The following SH2D4B variants were observed in gnomAD, a reference collection of about 807,000 sequenced individuals.
SH2D4B encodes SH2 domain containing 4B, also known as SH2 domain-containing protein 4B.
In SH2D4B, 45 loss-of-function variants were observed where a neutral mutation model predicts 61.5. That is an observed-to-expected ratio of 0.73 (90% CI 0.58 to 0.94). The LOEUF (loss-of-function observed/expected upper bound fraction) is 0.94, where lower values mean the gene tolerates loss of function less well. Among genes scored for constraint, SH2D4B ranks in the 40% least tolerant of loss-of-function variants. The pLI is 0.00. For synonymous variants in SH2D4B, 224 were observed against 220.4 expected (o/e 1.02, Z -0.14); for missense variants, 572 against 574.2 (o/e 1.00, Z 0.04).
chr10:80,565,316 G>GCC (rs1297111200), intron 1 of SH2D4B, among the ~76,000 whole-genome samples: 2 of 114,804 alleles, frequency 1.7e-5, no homozygotes, highest in African/African-American at 6.6e-5. Flanking sequence ...CCCACCCCCA[G>GCC]CCCCACTACC....
Position 80,578,175 on chromosome 10 carries a change from T to A in SH2D4B, c.495+6597T>A, listed in dbSNP as rs150235953. On this transcript the variant is annotated intron_variant, in intron 3 of 7. Transcript: ENST00000646907. ...TTGTAGCGATGGGGTTTTGCCATGT[T>A]GCCCAGGCTCATCTGGAATTTCTGA... Among the ~76,000 whole-genome samples the A allele has an allele frequency of 2.6e-3, 391 of 152,272 alleles. 2 individuals are homozygous for A. Among genetic ancestry groups the A allele is most frequent in the African/African-American group, 8.9e-3 (371 of 41,548 alleles).
At chr10:80,575,420 T>A (rs1014276060) in intron 3 of SH2D4B, among the ~76,000 whole-genome samples, 5 of 152,042 alleles carry the variant, frequency 3.3e-5, no homozygotes, top group African/African-American at 1.2e-4. Context: ...ACACAACTAC[T>A]CAACTCTGCT....
intron 1 of SH2D4B, among the ~76,000 whole-genome samples, chr10:80,544,181 A>G (rs1016468792): frequency 6.6e-6 from 1 of 151,914 alleles, no homozygotes; most frequent in African/African-American, 2.4e-5. Context: ...CTGCAGCTTC[A>G]CTCCTGAAGC....
chr10:80,614,355 G>A (rs1372281527), intron 6 of SH2D4B, among the ~76,000 whole-genome samples: 4 of 152,136 alleles, frequency 2.6e-5, no homozygotes, highest in Middle Eastern at 3.2e-3. Flanking sequence ...AGTGGCAGGT[G>A]CCACACACTT....
At chr10:80,629,425 C>A (rs7074908) in intron 6 of SH2D4B, among the ~76,000 whole-genome samples, 3 of 152,100 alleles carry the variant, frequency 2.0e-5, no homozygotes, top group African/African-American at 7.3e-5. Flanking sequence ...AGAGGGGACA[C>A]ACATCCAAAC....
chr10:80,553,708 G>A (rs1398725181), intron 1 of SH2D4B, among the ~76,000 whole-genome samples: 1 of 152,178 alleles, frequency 6.6e-6, no homozygotes, highest in Non-Finnish European at 1.5e-5. Flanking sequence ...GGCTTAGCGT[G>A]ACCAGCCCCA....
intron 4 of SH2D4B, 72 bp downstream of exon 4, chr10:80,588,849 T>C: frequency 6.4e-7 from 1 of 1,564,868 alleles, no homozygotes; most frequent in Non-Finnish European, 8.7e-7. Context: ...AATGCTGATG[T>C]ACTCATTCGT....
intron 1 of SH2D4B, among the ~76,000 whole-genome samples, chr10:80,551,024 A>T (rs1841753611): frequency 6.6e-6 from 1 of 152,228 alleles, no homozygotes; most frequent in African/African-American, 2.4e-5. Context: ...AGGAAAAGAA[A>T]AAGAAAAAGA....
intron 4 of SH2D4B, among the ~76,000 whole-genome samples, chr10:80,600,441 G>A (rs1842438143): frequency 6.6e-6 from 1 of 152,122 alleles, no homozygotes; most frequent in Non-Finnish European, 1.5e-5. Context: ...GACCCGGTTG[G>A]TCTGAGTTGG....
rs548546108 is a variant in SH2D4B, at chr10:80,646,535, G to T, written c.*2450G>T. Reference sequence around the variant, plus strand: ...AATTTCATCTTGAGAGTTTTATTATGCTAATAAATGTCAGGATTCTCATAT... The same window carrying T: ...AATTTCATCTTGAGAGTTTTATTATTCTAATAAATGTCAGGATTCTCATAT... On this transcript the variant is annotated 3_prime_UTR_variant, in exon 8 of 8. Transcript: ENST00000646907. 5.3e-5 allele frequency: 8 copies of T among 152,158 alleles called. No homozygotes were observed. In the East Asian group the frequency reaches 1.4e-3, roughly 26 times the overall value. The allele number at this position is 152,158 out of a possible 1,614,324, so 9.4% of individuals were successfully genotyped here.
intron 5 of SH2D4B, among the ~76,000 whole-genome samples, chr10:80,605,191 T>C (rs1842503985): frequency 6.6e-6 from 1 of 152,072 alleles, no homozygotes; most frequent in South Asian, 2.1e-4. Flanking sequence ...AAAGTTTGCA[T>C]TTTATGCATG....
At chr10:80,543,313 C>T (rs1056437010) in intron 1 of SH2D4B, among the ~76,000 whole-genome samples, 6 of 152,092 alleles carry the variant, frequency 3.9e-5, no homozygotes, top group African/African-American at 1.2e-4. Context: ...TTCCGGGGGG[C>T]GTGGGCTGGG....
intron 3 of SH2D4B, among the ~76,000 whole-genome samples, chr10:80,573,386 A>G (rs1842086930): frequency 1.5e-5 from 2 of 130,296 alleles, no homozygotes; most frequent in Non-Finnish European, 3.0e-5. Context: ...TAAATCTATC[A>G]GTCTATTTAT....
chr10:80,628,752 G>A (rs923191646), intron 6 of SH2D4B, among the ~76,000 whole-genome samples: 1 of 152,188 alleles, frequency 6.6e-6, no homozygotes, highest in Non-Finnish European at 1.5e-5. Flanking sequence ...ACCTGGCCAG[G>A]CGTGGTGGCT....
intron 1 of SH2D4B, among the ~76,000 whole-genome samples, chr10:80,544,564 C>T (rs1347255936): frequency 6.6e-6 from 1 of 152,248 alleles, no homozygotes; most frequent in African/African-American, 2.4e-5. Flanking sequence ...GGCAACCTTG[C>T]CTGCTGGGCT....
intron 3 of SH2D4B, among the ~76,000 whole-genome samples, chr10:80,575,812 A>C (rs917466552): frequency 2.0e-5 from 3 of 152,146 alleles, no homozygotes; most frequent in Admixed American, 6.6e-5. Flanking sequence ...TCTCCTATGA[A>C]GAAGGGCATT....
At chr10:80,540,936 G>A in intron 1 of SH2D4B, 3 of 1,534,036 alleles carry the variant, frequency 2.0e-6, no homozygotes, top group African/African-American at 1.4e-5. Flanking sequence ...AGATGCTGGT[G>A]AGACCCCAGC....
chr10:80,550,541 C>A (rs1441153248), intron 1 of SH2D4B, among the ~76,000 whole-genome samples: 1 of 152,034 alleles, frequency 6.6e-6, no homozygotes, highest in Non-Finnish European at 1.5e-5. Context: ...TTGCAGTGAG[C>A]CCATATCGCG....
At chr10:80,570,429 G>C in intron 2 of SH2D4B, 113 bp downstream of exon 2, 2 of 1,339,626 alleles carry the variant, frequency 1.5e-6, no homozygotes, top group Non-Finnish European at 2.0e-6. Flanking sequence ...CATGTTGGCC[G>C]GGCTGGTCTC....
Sources: gnomAD v4.1 joint callset for allele counts (sites outside exome capture counted in the v4.1 genomes callset) on GRCh38, gnomAD v4.1.1 for gene constraint, MANE v1.5 for transcripts, NCBI Gene and HGNC (gene_info 2026-07-23, HGNC 2026-07-21) for gene names.